Variants in MCOLN2 observed in about 807,000 individuals in gnomAD.
MCOLN2 encodes mucolipin-2.
MCOLN2 carries 57 observed loss-of-function variants against 67.5 expected under a neutral mutation model. The observed-to-expected ratio is 0.84, with a 90% CI of 0.68 to 1.05. MCOLN2 has a LOEUF of 1.05. Among genes scored for constraint, MCOLN2 ranks in the 50% least tolerant of loss-of-function variants. The pLI, the probability that MCOLN2 is intolerant of heterozygous loss-of-function variation, is 0.00. For missense variants in MCOLN2, 620 were observed against 678.8 expected, an observed-to-expected ratio of 0.91 and a Z score of 0.96; for synonymous variants, 246 against 233.3, an observed-to-expected ratio of 1.05 and a Z score of -0.50.
chr1:84,982,366 G>T (rs1650300847), intron 1 of MCOLN2, among the ~76,000 whole-genome samples: 1 of 152,018 alleles, frequency 6.6e-6, no homozygotes, highest in South Asian at 2.1e-4. Flanking sequence ...TGAACTCCTG[G>T]CCTCAAGCAA....
At chr1:84,974,170 G>C (rs1015731998) in intron 1 of MCOLN2, among the ~76,000 whole-genome samples, 10 of 152,236 alleles carry the variant, frequency 6.6e-5, no homozygotes, top group Admixed American at 3.9e-4. Flanking sequence ...CACCACTGCA[G>C]GCTAAAGTGC....
chr1:84,939,748 C>T, intron 8 of MCOLN2, 46 bp from the exon 9 acceptor site: 16 of 1,599,050 alleles, frequency 1.0e-5, no homozygotes, highest in Non-Finnish European at 1.4e-5. Context: ...CCACACTGCC[C>T]TCTGGAAGAA....
intron 1 of MCOLN2, among the ~76,000 whole-genome samples, chr1:84,983,264 TTTTTC>T (rs144860726): frequency 0.43 from 65,672 of 151,248 alleles, 14,944 homozygotes; most frequent in East Asian, 0.63. Context: ...TGTATTTTTG[TTTTTC>T]TTTTCTTTTT....
Position 84,945,130 on chromosome 1 carries a change from G to C in MCOLN2, c.847+1903C>G, listed in dbSNP as rs555278711. Among the ~76,000 whole-genome samples, 5 of 152,266 alleles carry C rather than the reference G, an allele frequency of 3.3e-5. No individual in the cohort carries two copies. The East Asian group carries it at 7.7e-4, about 24-fold the overall frequency. ...GTGTTTCTCCTCATTGGCCACAGGA[G>C]GGGGCTAGAGATACTCTCTTCTGAG... On this transcript the variant is annotated intron_variant, in intron 7 of 13. Transcript: ENST00000370608.
intron 1 of MCOLN2, among the ~76,000 whole-genome samples, chr1:84,967,955 A>G (rs1234511947): frequency 2.0e-5 from 3 of 152,164 alleles, no homozygotes; most frequent in Non-Finnish European, 2.9e-5. Context: ...AGGGTGAAGA[A>G]GTACCTTTAA....
intron 4 of MCOLN2, among the ~76,000 whole-genome samples, chr1:84,955,082 T>C (rs529347563): frequency 3.9e-5 from 6 of 152,190 alleles, no homozygotes; most frequent in African/African-American, 1.4e-4. Flanking sequence ...CTTGTGATAA[T>C]GGGTGAGTTC....
chr1:84,957,432 T>A (rs888116529), intron 3 of MCOLN2, among the ~76,000 whole-genome samples: 8 of 152,330 alleles, frequency 5.3e-5, no homozygotes, highest in African/African-American at 1.9e-4. Context: ...CCCTGGACCA[T>A]AAAATTCCCT....
intron 11 of MCOLN2, among the ~76,000 whole-genome samples, chr1:84,934,718 C>T (rs1055399696): frequency 2.6e-5 from 4 of 152,238 alleles, no homozygotes; most frequent in African/African-American, 7.2e-5. Context: ...ATGTAAAAGC[C>T]GCATTAGAGT....
rs757871344 is a variant in MCOLN2 at position 84,940,977 on chromosome 1, G to A, written c.862C>T (p.Gln288Ter). The A allele has an allele frequency of 1.2e-6, 2 of 1,611,372 alleles. No homozygotes were observed. The highest frequency in any genetic ancestry group is 2.2e-5 in the South Asian group (2 of 90,708). The change falls in exon 8 of 14, where the codon CAG becomes TAG. Residue 288 changes from glutamine (Q) to a stop codon, truncating the protein, a stop_gained. Transcript: ENST00000370608. LOFTEE classifies it high-confidence loss of function. ...NIFGSTQKNA[Q>*]YVLVFDAFVI... The stretch of plus-strand genomic sequence containing the variant: ...AATGCATCAAACACCAGGACATACT[G>A]AGCATTTTTCTGAGCTGAGGAATAA...
chr1:84,936,564 G>C (rs1040000782), intron 11 of MCOLN2, among the ~76,000 whole-genome samples: 1 of 152,176 alleles, frequency 6.6e-6, no homozygotes, highest in Admixed American at 6.5e-5. Flanking sequence ...CAGTGACATG[G>C]AGTATGAAGA....
At chr1:84,980,921 C>T (rs1650223259) in intron 1 of MCOLN2, among the ~76,000 whole-genome samples, 1 of 152,046 alleles carries the variant, frequency 6.6e-6, no homozygotes, top group Non-Finnish European at 1.5e-5. Context: ...ACAGCCAGAA[C>T]ATATAAGGAG....
intron 7 of MCOLN2, among the ~76,000 whole-genome samples, chr1:84,946,319 C>T (rs375764923): frequency 6.6e-6 from 1 of 152,116 alleles, no homozygotes; most frequent in Non-Finnish European, 1.5e-5. Flanking sequence ...TTTATAAGCA[C>T]GTCAGTCTCT....
intron 1 of MCOLN2, among the ~76,000 whole-genome samples, chr1:84,987,423 C>T (rs1462897572): frequency 9.6e-6 from 1 of 103,896 alleles, no homozygotes; most frequent in Non-Finnish European, 1.8e-5. Context: ...TATGTATATA[C>T]CTATATACGT....
chr1:84,969,946 G>A (rs997261329), intron 1 of MCOLN2, among the ~76,000 whole-genome samples: 2 of 152,154 alleles, frequency 1.3e-5, no homozygotes, highest in East Asian at 1.9e-4. Flanking sequence ...TAAGTGCTAC[G>A]GGGGCATGTG....
chr1:84,967,252 T>C (rs1215635983), intron 1 of MCOLN2, among the ~76,000 whole-genome samples: 2 of 152,214 alleles, frequency 1.3e-5, no homozygotes, highest in Non-Finnish European at 2.9e-5. Context: ...ATTCCTGAAG[T>C]AATCCATCCC....
Position 84,987,326 on chromosome 1 carries a change from ATATATAGATATATG to A in MCOLN2, c.77+9456_77+9469del, listed in dbSNP as rs1440982665. 3.0e-4 allele frequency among the ~76,000 whole-genome samples: 44 copies of A among 144,774 alleles called. No individual in the cohort carries two copies. The South Asian group carries it at 5.7e-3, about 19-fold the overall frequency. The allele number at this position is 144,774 out of a possible 152,430, so 95.0% of individuals were successfully genotyped here. A position where few individuals can be genotyped will look rare whatever the true frequency, so the allele number is the denominator to read the frequency against. On this transcript the variant is annotated intron_variant, in intron 1 of 13. Transcript: ENST00000370608. Reference sequence around the variant, plus strand: ...TACATATACATCTATATGTATATAGATATATAGATATATGTATATAGATATATGTAGATATATAT... The same window carrying A: ...TACATATACATCTATATGTATATAGATATATAGATATATGTAGATATATAT...
chr1:84,962,634 G>A (rs1024427356), intron 2 of MCOLN2, among the ~76,000 whole-genome samples: 11 of 152,184 alleles, frequency 7.2e-5, no homozygotes, highest in African/African-American at 2.7e-4. Context: ...GCCCAGTGGG[G>A]GAGATGGGAC....
At chr1:84,981,071 C>T (rs1315561574) in intron 1 of MCOLN2, among the ~76,000 whole-genome samples, 3 of 152,022 alleles carry the variant, frequency 2.0e-5, no homozygotes, top group Non-Finnish European at 4.4e-5. Flanking sequence ...CATCACTGAT[C>T]ACTAGAGAAA....
intron 1 of MCOLN2, among the ~76,000 whole-genome samples, chr1:84,973,642 C>G (rs1382075145): frequency 6.6e-6 from 1 of 152,104 alleles, no homozygotes; most frequent in Non-Finnish European, 1.5e-5. Context: ...CCCACTTAAG[C>G]ATTTTTAGAA....
Sources: allele counts gnomAD v4.1 joint callset (sites outside exome capture counted in the v4.1 genomes callset), GRCh38; gene constraint gnomAD v4.1.1; transcripts MANE v1.5; gene names NCBI Gene and HGNC (gene_info 2026-07-23, HGNC 2026-07-21).